DPP6: variants seen among roughly 807,000 people sequenced by gnomAD.
The protein encoded by DPP6 is dipeptidyl peptidase like 6, also known as A-type potassium channel modulatory protein DPP6.
Under a neutral mutation model 122.6 loss-of-function variants are expected in DPP6, and 69 were observed. The observed-to-expected ratio is 0.56, with a 90% CI of 0.46 to 0.69. DPP6 has a LOEUF of 0.69. DPP6 is among the 30% of genes least tolerant of loss of function. The probability of loss-of-function intolerance (pLI) is 0.00; values close to 1 mark genes in which losing one functional copy is unlikely to be tolerated. For missense variants in DPP6, 928 were observed against 1,116.9 expected (o/e 0.83, Z 2.41); for synonymous variants, 418 against 433.1 (o/e 0.97, Z 0.43).
chr7:154,612,359 C>G (rs938458215), intron 5 of DPP6, among the ~76,000 whole-genome samples: 1 of 152,162 alleles, frequency 6.6e-6, no homozygotes, highest in Admixed American at 6.5e-5. Context: ...ATCTATTGAC[C>G]GTCTCTAATA....
intron 7 of DPP6, among the ~76,000 whole-genome samples, chr7:154,672,158 G>A (rs995309957): frequency 8.6e-5 from 13 of 152,040 alleles, no homozygotes; most frequent in African/African-American, 2.7e-4. Context: ...TTCCCCCTTT[G>A]CTCGACACTC....
intron 8 of DPP6, among the ~76,000 whole-genome samples, chr7:154,763,186 G>C (rs142427408): frequency 0.068 from 10,319 of 152,254 alleles, 373 homozygotes; most frequent in East Asian, 0.11. Flanking sequence ...ACAGAAATTA[G>C]CTGGGTGTGG....
chr7:154,225,709 G>A (rs1800555475), intron 1 of DPP6, among the ~76,000 whole-genome samples: 1 of 151,864 alleles, frequency 6.6e-6, no homozygotes, highest in African/African-American at 2.4e-5. Context: ...TCGATAAATA[G>A]CCTGATATTT....
chr7:154,477,266 C>CCAT (rs961340843), intron 3 of DPP6, among the ~76,000 whole-genome samples: 3 of 109,956 alleles, frequency 2.7e-5, no homozygotes, highest in African/African-American at 1.2e-4. Context: ...ACCACCACCA[C>CCAT]CAGCAGCACC....
At chr7:153,749,696 G>A in the DPP6 span, among the ~76,000 whole-genome samples, 1 of 152,076 alleles carries the variant, frequency 6.6e-6, no homozygotes, top group Non-Finnish European at 1.5e-5. The surrounding 1 kb of genome is among the most constrained non-coding windows in gnomAD (Gnocchi z 4.1). Flanking sequence ...GATCCTGTGG[G>A]GCCCGGCCAC....
chr7:154,016,489 ATGGT>A (rs1337768339), intron 1 of DPP6, among the ~76,000 whole-genome samples: 2 of 151,924 alleles, frequency 1.3e-5, no homozygotes, highest in African/African-American at 4.8e-5. Flanking sequence ...GGATCTGGGC[ATGGT>A]GGCTCACACA....
chr7:154,559,286 C>A (rs10246175), intron 4 of DPP6, among the ~76,000 whole-genome samples: 7,532 of 125,854 alleles, frequency 0.06, 671 homozygotes, highest in East Asian at 0.44. Flanking sequence ...AAAAAAAAAA[C>A]CCCTAAATTG....
At chr7:154,532,008 AAAAC>A (rs1318718261) in intron 3 of DPP6, among the ~76,000 whole-genome samples, 14 of 152,164 alleles carry the variant, frequency 9.2e-5, no homozygotes, top group South Asian at 6.2e-4. Context: ...AGACACTTAG[AAAAC>A]AAACAAACAA....
chr7:154,565,178 C>G (rs1278595827), intron 4 of DPP6, among the ~76,000 whole-genome samples: 2 of 152,122 alleles, frequency 1.3e-5, no homozygotes, highest in African/African-American at 4.8e-5. Flanking sequence ...ACACATAAAA[C>G]AAGGTTATCT....
At chr7:154,327,605 C>T (rs896551933) in intron 1 of DPP6, among the ~76,000 whole-genome samples, 4 of 152,102 alleles carry the variant, frequency 2.6e-5, no homozygotes, top group African/African-American at 9.7e-5. Flanking sequence ...TAAAATTTTG[C>T]TTAGGCCGTT....
At chr7:154,122,456 A>C (rs1248849155) in intron 1 of DPP6, among the ~76,000 whole-genome samples, 2 of 152,246 alleles carry the variant, frequency 1.3e-5, no homozygotes, top group Non-Finnish European at 2.9e-5. Context: ...CCCATCTATT[A>C]TATAAAATAA....
At chr7:154,609,888 C>T (rs1304672808) in intron 5 of DPP6, among the ~76,000 whole-genome samples, 2 of 152,220 alleles carry the variant, frequency 1.3e-5, no homozygotes, top group Non-Finnish European at 2.9e-5. Flanking sequence ...TAGATCCATT[C>T]ACTCCTTTCC....
intron 1 of DPP6, among the ~76,000 whole-genome samples, chr7:154,113,664 G>A (rs1234714102): frequency 2.0e-5 from 3 of 151,906 alleles, no homozygotes; most frequent in Non-Finnish European, 2.9e-5. Context: ...CATTGCCTGG[G>A]CCAATGTCAT....
At chr7:154,697,372 G>A (rs1018633950) in intron 7 of DPP6, among the ~76,000 whole-genome samples, 1 of 152,180 alleles carries the variant, frequency 6.6e-6, no homozygotes, top group Admixed American at 6.5e-5. Context: ...TCAGGCCAGG[G>A]CTTCCAAGTC....
At chr7:153,824,291 G>A in the DPP6 span, among the ~76,000 whole-genome samples, 1 of 146,082 alleles carries the variant, frequency 6.8e-6, no homozygotes, top group Non-Finnish European at 1.5e-5. Context: ...GGAGGCTGAG[G>A]CAAAAGAATC....
chr7:154,481,229 TC>T lies in DPP6; in HGVS notation c.457+6195del, dbSNP rs1823246275. On this transcript the variant is annotated intron_variant, in intron 3 of 25. Coordinates refer to ENST00000377770, the MANE Select transcript of DPP6 (RefSeq NM_130797.4). This position sits in a 1 kb window ranked among gnomAD's most constrained non-coding sequence, Gnocchi z 4.2. ...TTTCTCACTTATCCTCACTTTGTAC[TC>T]CCTGAGGGGAAATAATTCACCCCCA... 1.3e-5 allele frequency among the ~76,000 whole-genome samples: 2 copies of T among 152,144 alleles called. No homozygotes were observed. The highest frequency in any genetic ancestry group is 2.9e-5 in the Non-Finnish European group (2 of 68,024).
intron 1 of DPP6, among the ~76,000 whole-genome samples, chr7:154,072,367 C>G (rs1054697552): frequency 2.0e-5 from 3 of 152,196 alleles, no homozygotes; most frequent in African/African-American, 7.2e-5. Flanking sequence ...CCAGACCTTG[C>G]TAACAGCATG....
At chr7:154,205,231 C>T (rs1198858935) in intron 1 of DPP6, among the ~76,000 whole-genome samples, 1 of 152,040 alleles carries the variant, frequency 6.6e-6, no homozygotes, top group Non-Finnish European at 1.5e-5. Context: ...TGTACCCTTT[C>T]CCCAGTTTCC....
rs1803632931 is a variant in DPP6 at position 154,863,911 on chromosome 7, T to TC, written c.1715-4084_1715-4083insC. On this transcript the variant is annotated intron_variant, in intron 17 of 25. Coordinates refer to ENST00000377770, the MANE Select transcript of DPP6 (RefSeq NM_130797.4). This position sits in a 1 kb window ranked among gnomAD's most constrained non-coding sequence, Gnocchi z 4.1. ...TGGGCCTGAATCTGGTCTTCGAATA[T>TC]GACTAATGGCCTAGCCCTGGGGTAA... Among the ~76,000 whole-genome samples, 1 of 152,082 alleles carries TC rather than the reference T, an allele frequency of 6.6e-6. No homozygotes were observed. The highest frequency in any genetic ancestry group is 6.5e-5 in the Admixed American group (1 of 15,268).
Sources: gnomAD v4.1 joint callset for allele counts (sites outside exome capture counted in the v4.1 genomes callset) on GRCh38, gnomAD v4.1.1 for gene constraint, Gnocchi (gnomAD v3.1) non-coding constraint, MANE v1.5 for transcripts, NCBI Gene and HGNC (gene_info 2026-07-23, HGNC 2026-07-21) for gene names.